CCSER1: variants seen among roughly 807,000 people sequenced by gnomAD.
CCSER1 encodes coiled-coil serine rich protein 1.
In CCSER1, 41 loss-of-function variants were observed where a neutral mutation model predicts 82.0. The ratio of observed to expected loss-of-function variants is 0.50; its 90% CI spans 0.39 to 0.65. CCSER1 has a LOEUF of 0.65. Among genes scored for constraint, CCSER1 ranks in the 30% least tolerant of loss-of-function variants. CCSER1 has a pLI of 0.00. For missense variants in CCSER1, 1,119 were observed against 1,064.2 expected, an observed-to-expected ratio of 1.05 and a Z score of -0.72; for synonymous variants, 414 against 383.9, an observed-to-expected ratio of 1.08 and a Z score of -0.92.
intron 5 of CCSER1, among the ~76,000 whole-genome samples, chr4:90,471,750 G>A (rs1411975486): frequency 6.6e-6 from 1 of 151,414 alleles, no homozygotes; most frequent in East Asian, 1.9e-4. Context: ...CGAGGCGGGC[G>A]GATCACTTGA....
At chr4:90,522,162 C>T (rs1032188775) in intron 5 of CCSER1, among the ~76,000 whole-genome samples, 13 of 152,094 alleles carry the variant, frequency 8.5e-5, no homozygotes, top group African/African-American at 3.1e-4. Flanking sequence ...TGATTTTAGA[C>T]TCAATTCCAT....
chr4:91,591,538 TGTCAAATGG>T (rs1293045292), intron 10 of CCSER1, among the ~76,000 whole-genome samples: 1 of 152,162 alleles, frequency 6.6e-6, no homozygotes, highest in Non-Finnish European at 1.5e-5. Flanking sequence ...ACTAGACCAG[TGTCAAATGG>T]GTCAGTCAGT....
At chr4:90,654,191 T>C (rs2149061073) in intron 6 of CCSER1, among the ~76,000 whole-genome samples, 1 of 152,298 alleles carries the variant, frequency 6.6e-6, no homozygotes, top group Non-Finnish European at 1.5e-5. Context: ...GTTTCTGTTA[T>C]AGTATAAAAT....
intron 1 of CCSER1, among the ~76,000 whole-genome samples, chr4:90,225,231 ATTT>A (rs57188209): frequency 2.7e-5 from 3 of 111,872 alleles, no homozygotes; most frequent in Non-Finnish European, 3.6e-5. Flanking sequence ...TACCCGGCTA[ATTT>A]TTTTTTTTTT....
chr4:90,326,055 C>CTTTTTTTTT (rs371592827), intron 3 of CCSER1, among the ~76,000 whole-genome samples: 1 of 111,590 alleles, frequency 9.0e-6, no homozygotes, highest in African/African-American at 3.2e-5. Flanking sequence ...TATGTGATAC[C>CTTTTTTTTT]TTTTTTTTTT....
chr4:90,508,760 A>T (rs184617099), intron 5 of CCSER1, among the ~76,000 whole-genome samples: 210 of 152,152 alleles, frequency 1.4e-3, no homozygotes, highest in African/African-American at 4.8e-3. Context: ...GCTTAATTAT[A>T]GTATAATTAA....
chr4:91,462,557 C>T (rs572879303), intron 10 of CCSER1, among the ~76,000 whole-genome samples: 7 of 152,152 alleles, frequency 4.6e-5, no homozygotes, highest in South Asian at 2.1e-4. Flanking sequence ...AAGCAGGGCA[C>T]GGCATCGCCT....
chr4:90,592,073 A>G (rs1782774749), intron 5 of CCSER1, among the ~76,000 whole-genome samples: 1 of 152,094 alleles, frequency 6.6e-6, no homozygotes, highest in Non-Finnish European at 1.5e-5. Context: ...TAGGACAAAT[A>G]CCTAATGCAC....
intron 1 of CCSER1, among the ~76,000 whole-genome samples, chr4:90,164,136 A>G (rs1314207678): frequency 6.6e-6 from 1 of 152,050 alleles, no homozygotes; most frequent in Non-Finnish European, 1.5e-5. Context: ...TTAACCTCAT[A>G]GTTCTCAAAA....
intron 4 of CCSER1, among the ~76,000 whole-genome samples, chr4:90,441,276 C>A (rs1356738142): frequency 6.6e-6 from 1 of 151,996 alleles, no homozygotes; most frequent in Non-Finnish European, 1.5e-5. Context: ...TTTAGTTCAT[C>A]TTGCCATAAC....
intron 10 of CCSER1, among the ~76,000 whole-genome samples, chr4:91,182,769 G>A (rs1386267904): frequency 1.3e-5 from 2 of 152,168 alleles, no homozygotes; most frequent in African/African-American, 2.4e-5. Flanking sequence ...GAGAAAAGGT[G>A]TCCACACATT....
chr4:91,405,907 C>T (rs1425315667), intron 10 of CCSER1, among the ~76,000 whole-genome samples: 1 of 152,128 alleles, frequency 6.6e-6, no homozygotes, highest in East Asian at 1.9e-4. Context: ...TGAGATGAAC[C>T]TGGTACCTCA....
chr4:91,431,475 C>CG (rs1230935300), intron 10 of CCSER1, among the ~76,000 whole-genome samples: 1 of 151,058 alleles, frequency 6.6e-6, no homozygotes, highest in Non-Finnish European at 1.5e-5. Context: ...CCTTTTTTTT[C>CG]GGGGGGCGGT....
At chr4:90,163,382 T>G (rs1327711555) in intron 1 of CCSER1, among the ~76,000 whole-genome samples, 1 of 152,182 alleles carries the variant, frequency 6.6e-6, no homozygotes, top group African/African-American at 2.4e-5. Flanking sequence ...TTTGGTTTAC[T>G]TTGTGCATCT....
At chr4:90,548,384 G>T (rs1777047182) in intron 5 of CCSER1, among the ~76,000 whole-genome samples, 1 of 151,996 alleles carries the variant, frequency 6.6e-6, no homozygotes, top group South Asian at 2.1e-4. Context: ...CTTGTCTGTT[G>T]CACATGAGCA....
intron 6 of CCSER1, among the ~76,000 whole-genome samples, chr4:90,646,893 C>T (rs1579687899): frequency 6.6e-6 from 1 of 152,022 alleles, no homozygotes; most frequent in South Asian, 2.1e-4. Flanking sequence ...ACCTAAATCT[C>T]GTAAAATATT....
intron 4 of CCSER1, among the ~76,000 whole-genome samples, chr4:90,429,320 A>G (rs565782282): frequency 1.3e-5 from 2 of 151,962 alleles, no homozygotes; most frequent in African/African-American, 2.4e-5. Context: ...GCCATTGGTT[A>G]TATAAAAAGC....
At chr4:91,433,631 G>A (rs1754459832) in intron 10 of CCSER1, among the ~76,000 whole-genome samples, 1 of 152,176 alleles carries the variant, frequency 6.6e-6, no homozygotes, top group Non-Finnish European at 1.5e-5. Context: ...GCAGTATTCA[G>A]TACAATAACT....
In CCSER1 at chr4:90,815,834, C is replaced by A. The variant is rs1008307802; in HGVS notation, c.2083C>A (p.Gln695Lys). Reference sequence around the variant, plus strand: ...GAAGGATGAACTCATTTCCCAACTTCAGGAAGAGCTGGTAAGTGATAACAA... The same window carrying A: ...GAAGGATGAACTCATTTCCCAACTTAAGGAAGAGCTGGTAAGTGATAACAA... ...KEKDELISQL[Q>K]EELGKVRHLQ... The change falls in exon 8 of 11, where the codon CAG becomes AAG. Residue 695 changes from glutamine to lysine, a missense_variant. Transcript: ENST00000509176. The A allele has an allele frequency of 6.4e-7, 1 of 1,550,436 alleles. No individual in the cohort carries two copies. Among genetic ancestry groups the A allele is most frequent in the Non-Finnish European group, 8.7e-7 (1 of 1,146,188 alleles).
Sources: allele counts gnomAD v4.1 joint callset (sites outside exome capture counted in the v4.1 genomes callset), GRCh38; gene constraint gnomAD v4.1.1; transcripts MANE v1.5; gene names NCBI Gene and HGNC (gene_info 2026-07-23, HGNC 2026-07-21).